PAK1: variants seen among roughly 807,000 people sequenced by gnomAD.
The protein encoded by PAK1 is serine/threonine-protein kinase PAK 1.
A neutral mutation model predicts 67.4 loss-of-function variants in PAK1; 29 were observed. The observed-to-expected ratio is 0.43, with a 90% CI of 0.32 to 0.59. PAK1 has a LOEUF of 0.59. PAK1 is among the 20% of genes least tolerant of loss of function. The pLI, the probability that PAK1 is intolerant of heterozygous loss-of-function variation, is 0.07. For missense variants in PAK1, 337 were observed against 670.7 expected (o/e 0.50, Z 5.50); for synonymous variants, 223 against 237.4 (o/e 0.94, Z 0.56).
chr11:77,386,869 GTTCAAGCAA>G (rs1565649451), intron 2 of PAK1, among the ~76,000 whole-genome samples: 1 of 151,980 alleles, frequency 6.6e-6, no homozygotes, highest in Non-Finnish European at 1.5e-5. Context: ...TGCCTCCTGG[GTTCAAGCAA>G]TTCTCCTGCC....
At chr11:77,463,758 G>A (rs1400372809) in intron 1 of PAK1, among the ~76,000 whole-genome samples, 1 of 152,138 alleles carries the variant, frequency 6.6e-6, no homozygotes, top group African/African-American at 2.4e-5. Context: ...ATATTACACA[G>A]GGTAGCGTTT....
chr11:77,514,195 A>C, the PAK1 span, among the ~76,000 whole-genome samples: 30 of 152,154 alleles, frequency 2.0e-4, no homozygotes, highest in Non-Finnish European at 3.1e-4. Flanking sequence ...TTTTGTGACT[A>C]AGTATAAGAC....
intron 5 of PAK1, among the ~76,000 whole-genome samples, chr11:77,371,641 T>C (rs1948444224): frequency 6.6e-6 from 1 of 152,210 alleles, no homozygotes; most frequent in African/African-American, 2.4e-5. Flanking sequence ...AATCATCTGT[T>C]TGAAACCAAC....
At chr11:77,487,765 G>T in the PAK1 span, among the ~76,000 whole-genome samples, 1 of 152,176 alleles carries the variant, frequency 6.6e-6, no homozygotes. Flanking sequence ...CTCAGTCACA[G>T]TAGAATAGAG....
At chr11:77,510,415 G>C in the PAK1 span, among the ~76,000 whole-genome samples, 1 of 152,144 alleles carries the variant, frequency 6.6e-6, no homozygotes, top group African/African-American at 2.4e-5. Context: ...ACTTTTAGTA[G>C]AGACGGGGTT....
intron 11 of PAK1, among the ~76,000 whole-genome samples, 188 bp from the exon 12 acceptor site, chr11:77,337,611 A>C (rs1049675604): frequency 6.6e-6 from 1 of 152,220 alleles, no homozygotes; most frequent in East Asian, 1.9e-4. Flanking sequence ...TCTCCTAGCT[A>C]AACATTCTTT....
the PAK1 span, among the ~76,000 whole-genome samples, chr11:77,511,879 C>T: frequency 6.6e-6 from 1 of 152,176 alleles, no homozygotes; most frequent in Non-Finnish European, 1.5e-5. Context: ...TTAGTGTTTG[C>T]AGCTTGCAAT....
chr11:77,371,738 G>A (rs1175951422), intron 5 of PAK1, among the ~76,000 whole-genome samples: 1 of 152,140 alleles, frequency 6.6e-6, no homozygotes, highest in Non-Finnish European at 1.5e-5. Flanking sequence ...AGCTAGTGCT[G>A]GACAAATGTT....
chr11:77,501,891 C>T, the PAK1 span, among the ~76,000 whole-genome samples: 2 of 148,892 alleles, frequency 1.3e-5, no homozygotes, highest in Non-Finnish European at 3.0e-5. Context: ...ATTGTGAGCA[C>T]CCTGACCAAT....
chr11:77,346,703 G>A (rs951647453), intron 9 of PAK1, among the ~76,000 whole-genome samples: 17 of 152,150 alleles, frequency 1.1e-4, no homozygotes, highest in African/African-American at 4.1e-4. Flanking sequence ...GCCAGGCTCT[G>A]TGCTAGATGA....
the PAK1 span, among the ~76,000 whole-genome samples, chr11:77,494,383 G>T: frequency 6.6e-6 from 1 of 152,162 alleles, no homozygotes; most frequent in Non-Finnish European, 1.5e-5. Context: ...CAGGTAATTT[G>T]TATAACATGA....
intron 1 of PAK1, among the ~76,000 whole-genome samples, chr11:77,402,763 AAAG>A (rs1952890345): frequency 6.6e-6 from 1 of 152,198 alleles, no homozygotes; most frequent in African/African-American, 2.4e-5. Flanking sequence ...CCTCAATGGA[AAAG>A]TTTATCTCAA....
intron 1 of PAK1, among the ~76,000 whole-genome samples, chr11:77,418,292 T>C (rs879198887): frequency 2.6e-5 from 4 of 152,206 alleles, no homozygotes; most frequent in Non-Finnish European, 5.9e-5. Flanking sequence ...CTTTCAGTAA[T>C]GATGATCTAG....
At chr11:77,415,637 G>A (rs112850912) in intron 1 of PAK1, among the ~76,000 whole-genome samples, 2,795 of 152,098 alleles carry the variant, frequency 0.018, 83 homozygotes, top group African/African-American at 0.062. Context: ...CAGTACATAT[G>A]TAAAGGGCAT....
the PAK1 span, among the ~76,000 whole-genome samples, chr11:77,525,732 C>T: frequency 2.6e-4 from 40 of 152,214 alleles, no homozygotes; most frequent in Non-Finnish European, 4.1e-4. Context: ...CTTTCTCAGG[C>T]GTCTGCCTGG....
At chr11:77,387,925 G>A (rs2729749) in intron 2 of PAK1, among the ~76,000 whole-genome samples, 10,444 of 152,202 alleles carry the variant, frequency 0.069, 811 homozygotes, top group East Asian at 0.24. Context: ...TAGCTTACTG[G>A]TTGATCAAAG....
chr11:77,489,906 G>A, the PAK1 span, among the ~76,000 whole-genome samples: 3 of 152,176 alleles, frequency 2.0e-5, no homozygotes, highest in East Asian at 1.9e-4. Context: ...CTGCCTGGCC[G>A]CCTATCGTCT....
In PAK1 at chr11:77,358,938, G is replaced by T. The variant is rs768350096; in HGVS notation, c.557C>A (p.Pro186Gln). Residue 186 changes from proline to glutamine, a missense_variant, in exon 6 of 15, where the codon CCA (proline) becomes CAA (glutamine). Transcript: ENST00000356341. Reference sequence around the variant, plus strand: ...TGGGCGTGGAGCAATCACTGGTGGTGGGGTAGCATCATCATCATCATCATC... The same window carrying T: ...TGGGCGTGGAGCAATCACTGGTGGTTGGGTAGCATCATCATCATCATCATC... ...DEDDDDDDAT[P>Q]PPVIAPRPEH... 6.2e-7 allele frequency: 1 copy of T among 1,613,494 alleles called. No individual in the cohort carries two copies. Among genetic ancestry groups the T allele is most frequent in the Non-Finnish European group, 8.5e-7 (1 of 1,179,662 alleles).
intron 12 of PAK1, 39 bp from the exon 13 acceptor site, chr11:77,336,321 A>G (rs1351586857): frequency 6.7e-7 from 1 of 1,483,486 alleles, no homozygotes; most frequent in South Asian, 1.2e-5. Flanking sequence ...TACATTTAGG[A>G]TATACACTCA....
Sources: allele counts gnomAD v4.1 joint callset (sites outside exome capture counted in the v4.1 genomes callset), GRCh38; gene constraint gnomAD v4.1.1; transcripts MANE v1.5; gene names NCBI Gene and HGNC (gene_info 2026-07-23, HGNC 2026-07-21).